Variants in PRKG1 observed in about 807,000 individuals in gnomAD.
The protein encoded by PRKG1 is protein kinase cGMP-dependent 1.
In PRKG1, 35 loss-of-function variants were observed where a neutral mutation model predicts 88.1. The ratio of observed to expected loss-of-function variants is 0.40; its 90% CI spans 0.30 to 0.53. The LOEUF is 0.53. Ranked by LOEUF, PRKG1 falls within the 20% of genes least tolerant of loss-of-function variation. PRKG1 has a pLI of 0.59. For missense variants in PRKG1, 540 were observed against 839.8 expected (o/e 0.64, Z 4.41); for synonymous variants, 303 against 292.5 (o/e 1.04, Z -0.37).
At chr10:51,480,235 A>G (rs1164834258) in intron 3 of PRKG1, among the ~76,000 whole-genome samples, 2 of 152,152 alleles carry the variant, frequency 1.3e-5, no homozygotes, top group Non-Finnish European at 2.9e-5. Flanking sequence ...CTACCCAGGA[A>G]AGTTTTCAAA....
At chr10:52,138,142 G>A (rs1036956075) in intron 8 of PRKG1, among the ~76,000 whole-genome samples, 48 of 151,812 alleles carry the variant, frequency 3.2e-4, no homozygotes, top group Non-Finnish European at 2.2e-4. Flanking sequence ...AATAGCACTC[G>A]TCTGAGATCC....
intron 1 of PRKG1, among the ~76,000 whole-genome samples, chr10:51,044,362 T>C (rs1269512728): frequency 6.6e-6 from 1 of 152,016 alleles, no homozygotes; most frequent in African/African-American, 2.4e-5. Flanking sequence ...ATATGGGAGA[T>C]GCCAGAATTG....
rs1344279075 is a variant in PRKG1 at position 52,114,875 on chromosome 10, AATGGAGC to A, written c.936-18962_936-18956del. Reference sequence around the variant, plus strand: ...CAGCATTCATAGAGAAGTGGCTGTGAATGGAGCATTGTAAAGGAAATAGGAAGCAGAT... The same window carrying A: ...CAGCATTCATAGAGAAGTGGCTGTGAATTGTAAAGGAAATAGGAAGCAGAT... On this transcript the variant is annotated intron_variant, in intron 7 of 17. Transcript: ENST00000373980. Among the ~76,000 whole-genome samples the A allele has an allele frequency of 2.6e-3, 395 of 152,220 alleles. 5 individuals carry two copies. Among genetic ancestry groups the A allele is most frequent in the African/African-American group, 8.9e-3 (370 of 41,554 alleles).
At chr10:51,601,023 G>T (rs578205641) in intron 3 of PRKG1, among the ~76,000 whole-genome samples, 7 of 151,650 alleles carry the variant, frequency 4.6e-5, no homozygotes, top group Admixed American at 1.3e-4. Flanking sequence ...AAGAAGGGAG[G>T]GAGGGAGAGA....
intron 5 of PRKG1, among the ~76,000 whole-genome samples, chr10:51,967,865 G>A (rs969246048): frequency 3.9e-5 from 6 of 151,904 alleles, no homozygotes; most frequent in African/African-American, 1.2e-4. Flanking sequence ...TCAATGTTTT[G>A]GTGCTTCTTC....
chr10:52,056,362 C>T (rs1846109885), intron 6 of PRKG1, among the ~76,000 whole-genome samples: 1 of 152,256 alleles, frequency 6.6e-6, no homozygotes, highest in African/African-American at 2.4e-5. Flanking sequence ...GCTAATTCTT[C>T]GCTATGATGC....
chr10:51,059,467 G>A (rs1318594209), intron 1 of PRKG1, among the ~76,000 whole-genome samples: 1 of 151,992 alleles, frequency 6.6e-6, no homozygotes, highest in African/African-American at 2.4e-5. Flanking sequence ...TGCAATCATA[G>A]CTCTCTGCAG....
chr10:51,335,113 C>T (rs766006067), intron 2 of PRKG1, among the ~76,000 whole-genome samples: 4 of 147,624 alleles, frequency 2.7e-5, no homozygotes, highest in African/African-American at 5.0e-5. Context: ...CCCAGGTTCA[C>T]GCCATTCTCC....
chr10:51,447,941 C>A (rs1004117509), intron 2 of PRKG1, among the ~76,000 whole-genome samples: 1 of 152,032 alleles, frequency 6.6e-6, no homozygotes, highest in Non-Finnish European at 1.5e-5. Context: ...TATATGTAAT[C>A]ATTGTTCAAC....
intron 3 of PRKG1, among the ~76,000 whole-genome samples, chr10:51,602,715 G>A (rs1838639812): frequency 6.7e-6 from 1 of 148,530 alleles, no homozygotes; most frequent in African/African-American, 2.5e-5. Context: ...GCGCCTGGCT[G>A]GCTTTGATTA....
chr10:51,737,747 A>C, intron 3 of PRKG1, among the ~76,000 whole-genome samples: 1 of 106,566 alleles, frequency 9.4e-6, no homozygotes, highest in Non-Finnish European at 2.0e-5. Context: ...ATTAATTATT[A>C]TTATTATTAT....
intron 9 of PRKG1, among the ~76,000 whole-genome samples, chr10:52,237,960 AC>A (rs1464303933): frequency 7.6e-6 from 1 of 131,838 alleles, no homozygotes; most frequent in African/African-American, 2.9e-5. Context: ...TGGTACTGGT[AC>A]CAAAACAGAG....
In PRKG1 at chr10:50,991,323, G is replaced by A; in HGVS notation, c.-56G>A. Reference sequence around the variant, plus strand: ...GGCTGCCGTCCCAGCCGCCGCCGCCGCCGCCGCCGCCGCCGCCGCCCGAGA... The same window carrying A: ...GGCTGCCGTCCCAGCCGCCGCCGCCACCGCCGCCGCCGCCGCCGCCCGAGA... On this transcript the variant is annotated 5_prime_UTR_variant, in exon 1 of 18. Transcript: ENST00000401604. This position sits in a 1 kb window ranked among gnomAD's most constrained non-coding sequence, Gnocchi z 4.5. The A allele has an allele frequency of 6.8e-6, 10 of 1,480,972 alleles. 1 individual carries two copies. The South Asian group carries it at 1.3e-4, about 19-fold the overall frequency. The allele number at this position is 1,480,972 out of a possible 1,614,324, so 91.7% of individuals were successfully genotyped here. A position where few individuals can be genotyped will look rare whatever the true frequency, so the allele number is the denominator to read the frequency against.
intron 2 of PRKG1, among the ~76,000 whole-genome samples, chr10:51,451,443 C>T (rs1423859605): frequency 6.6e-6 from 1 of 151,820 alleles, no homozygotes; most frequent in Non-Finnish European, 1.5e-5. Flanking sequence ...AGGGTAAGAA[C>T]CTCTGAGCTA....
At chr10:51,335,027 A>G in intron 2 of PRKG1, among the ~76,000 whole-genome samples, 2 of 92,800 alleles carry the variant, frequency 2.2e-5, no homozygotes, top group Admixed American at 2.9e-4. Flanking sequence ...TTTTTTTGAG[A>G]CGGAGTCTTG....
chr10:52,037,810 G>A (rs1412899742), intron 5 of PRKG1, among the ~76,000 whole-genome samples: 7 of 152,096 alleles, frequency 4.6e-5, no homozygotes, highest in Non-Finnish European at 5.9e-5. Flanking sequence ...TCGGCCTGGC[G>A]AGGAGCAGCC....
chr10:51,183,390 G>T (rs774872962), intron 2 of PRKG1, among the ~76,000 whole-genome samples: 15 of 152,118 alleles, frequency 9.9e-5, no homozygotes, highest in Non-Finnish European at 1.8e-4. Flanking sequence ...TAGTACCCTG[G>T]ATCTCATGCA....
intron 2 of PRKG1, among the ~76,000 whole-genome samples, chr10:51,187,385 A>G (rs1348631829): frequency 6.6e-6 from 1 of 152,044 alleles, no homozygotes; most frequent in Non-Finnish European, 1.5e-5. Flanking sequence ...GATACCTGCA[A>G]GAAAATATAA....
chr10:51,358,514 A>T (rs571150843), intron 2 of PRKG1, among the ~76,000 whole-genome samples: 1 of 152,074 alleles, frequency 6.6e-6, no homozygotes, highest in Admixed American at 6.6e-5. Context: ...TAGAAAATAT[A>T]GTCTGCTACA....
Sources: allele counts gnomAD v4.1 joint callset (sites outside exome capture counted in the v4.1 genomes callset), GRCh38; gene constraint gnomAD v4.1.1; non-coding constraint Gnocchi (gnomAD v3.1); transcripts MANE v1.5; gene names NCBI Gene and HGNC (gene_info 2026-07-23, HGNC 2026-07-21).